CNTNAP2: variants seen among roughly 807,000 people sequenced by gnomAD.
CNTNAP2 encodes the protein contactin associated protein 2, also known as contactin-associated protein-like 2.
In CNTNAP2, 98 loss-of-function variants were observed where a neutral mutation model predicts 155.2. The ratio of observed to expected loss-of-function variants is 0.63; its 90% confidence interval spans 0.54 to 0.75. CNTNAP2 has a LOEUF of 0.75. CNTNAP2 is among the 30% of genes least tolerant of loss of function. The probability of loss-of-function intolerance (pLI) is 0.00; values close to 1 mark genes in which losing one functional copy is unlikely to be tolerated. For synonymous variants in CNTNAP2, 651 were observed against 631.2 expected, an observed-to-expected ratio of 1.03 and a Z score of -0.47; for missense variants, 1,727 against 1,688.1, an observed-to-expected ratio of 1.02 and a Z score of -0.40.
At chr7:146,277,644 T>C (rs951992522) in intron 1 of CNTNAP2, among the ~76,000 whole-genome samples, 1 of 152,226 alleles carries the variant, frequency 6.6e-6, no homozygotes, top group Non-Finnish European at 1.5e-5. Flanking sequence ...TTGGGGTTTA[T>C]ATTTGTTTAA....
At chr7:147,328,553 T>C (rs1421079947) in intron 9 of CNTNAP2, among the ~76,000 whole-genome samples, 1 of 152,210 alleles carries the variant, frequency 6.6e-6, no homozygotes, top group Admixed American at 6.5e-5. Context: ...AGAATAAGCC[T>C]TCCATCTCTG....
intron 10 of CNTNAP2, among the ~76,000 whole-genome samples, chr7:147,453,097 C>A (rs892991188): frequency 6.6e-6 from 1 of 152,282 alleles, no homozygotes; most frequent in Non-Finnish European, 1.5e-5. Flanking sequence ...GGCAGGCATA[C>A]TCCTTGCCCT....
At chr7:147,173,005 C>A (rs945296880) in intron 8 of CNTNAP2, among the ~76,000 whole-genome samples, 3 of 152,138 alleles carry the variant, frequency 2.0e-5, no homozygotes, top group African/African-American at 7.2e-5. Flanking sequence ...TCAGCATTAA[C>A]ACACAGGCTA....
chr7:147,972,932 C>T (rs922919821), intron 14 of CNTNAP2, among the ~76,000 whole-genome samples: 1 of 151,988 alleles, frequency 6.6e-6, no homozygotes, highest in South Asian at 2.1e-4. Flanking sequence ...TGGTTCACAC[C>T]GTGAAGCCAG....
chr7:146,700,342 T>C (rs1490505865), intron 1 of CNTNAP2, among the ~76,000 whole-genome samples: 3 of 152,170 alleles, frequency 2.0e-5, no homozygotes, highest in African/African-American at 7.2e-5. Context: ...TAAGAAAAAT[T>C]ACTAATTTTC....
At chr7:146,135,005 C>T (rs1022899362) in intron 1 of CNTNAP2, among the ~76,000 whole-genome samples, 5 of 151,884 alleles carry the variant, frequency 3.3e-5, no homozygotes, top group African/African-American at 1.2e-4. Context: ...CCTCCTTGTA[C>T]CTCTGGTAGA....
intron 8 of CNTNAP2, among the ~76,000 whole-genome samples, chr7:147,242,430 G>A (rs1287687889): frequency 2.0e-5 from 3 of 152,116 alleles, no homozygotes; most frequent in South Asian, 2.1e-4. Flanking sequence ...GTCCAGTTCT[G>A]TAACTTCTAT....
intron 1 of CNTNAP2, among the ~76,000 whole-genome samples, chr7:146,721,805 A>G (rs1801332284): frequency 8.3e-6 from 1 of 120,768 alleles, no homozygotes; most frequent in African/African-American, 3.8e-5. Flanking sequence ...TATAGACTAT[A>G]TATAGTCTAT....
At chr7:147,377,200 T>C (rs1260884327) in intron 9 of CNTNAP2, among the ~76,000 whole-genome samples, 1 of 151,240 alleles carries the variant, frequency 6.6e-6, no homozygotes, top group East Asian at 2.0e-4. Flanking sequence ...TGCTTTGAAA[T>C]GTATGTATGT....
At chr7:147,367,345 G>A (rs1796250558) in intron 9 of CNTNAP2, among the ~76,000 whole-genome samples, 2 of 152,158 alleles carry the variant, frequency 1.3e-5, no homozygotes, top group Admixed American at 1.3e-4. Flanking sequence ...TTTGGCAGCT[G>A]TTGTCTCCTT....
At chr7:146,896,452 T>G (rs1049754761) in intron 3 of CNTNAP2, among the ~76,000 whole-genome samples, 4 of 152,106 alleles carry the variant, frequency 2.6e-5, no homozygotes, top group Admixed American at 6.6e-5. Flanking sequence ...AATATCTACC[T>G]CTACATTTAA....
chr7:146,169,959 C>A (rs1798365112), intron 1 of CNTNAP2, among the ~76,000 whole-genome samples: 1 of 151,098 alleles, frequency 6.6e-6, no homozygotes, highest in East Asian at 1.9e-4. Flanking sequence ...ATATTGATTT[C>A]ATTTGCCTTG....
chr7:148,329,488 A>C (rs1797948461), intron 21 of CNTNAP2, among the ~76,000 whole-genome samples: 1 of 152,142 alleles, frequency 6.6e-6, no homozygotes, highest in East Asian at 1.9e-4. Flanking sequence ...CAGTGCAGGA[A>C]CAGAAGGAAC....
At chr7:146,712,252 A>T (rs186106536) in intron 1 of CNTNAP2, among the ~76,000 whole-genome samples, 4,768 of 50,616 alleles carry the variant, frequency 0.094, 807 homozygotes, top group African/African-American at 0.32. Context: ...TATGTATACA[A>T]ATATGTATAC....
At chr7:147,800,523 C>T (rs1485146961) in intron 13 of CNTNAP2, among the ~76,000 whole-genome samples, 6 of 151,858 alleles carry the variant, frequency 4.0e-5, no homozygotes, top group East Asian at 3.9e-4. Flanking sequence ...TTGAAGGACA[C>T]GCCTCATTTG....
At chr7:147,326,443 C>A (rs1356674374) in intron 9 of CNTNAP2, among the ~76,000 whole-genome samples, 1 of 152,192 alleles carries the variant, frequency 6.6e-6, no homozygotes, top group Non-Finnish European at 1.5e-5. Context: ...ATTCATGCAT[C>A]AATGAACATT....
At position 146,748,143 on chromosome 7, in the gene CNTNAP2, C is replaced by CTTTTTTTT. The variant is rs61495352; in HGVS notation, c.98-26115_98-26108dup. ...GTGGTGTTTTCTTTTCTTTTCTTTT[C>CTTTTTTTT]TTTTTTTTTTTTTTTTTTTTGAGAA... On this transcript the variant is annotated intron_variant, in intron 1 of 23. Transcript: ENST00000361727. Among the ~76,000 whole-genome samples the CTTTTTTTT allele has an allele frequency of 5.8e-4, 57 of 97,988 alleles. 1 individual carries two copies. Among genetic ancestry groups the CTTTTTTTT allele is most frequent in the African/African-American group, 1.5e-3 (37 of 24,186 alleles). 64.3% of individuals were successfully genotyped at this position (97,988 alleles called of 152,430 possible).
chr7:148,180,804 T>G (rs1331667029), intron 18 of CNTNAP2, among the ~76,000 whole-genome samples: 1 of 152,036 alleles, frequency 6.6e-6, no homozygotes, highest in African/African-American at 2.4e-5. Context: ...AAGAAGGAGG[T>G]GCTTTAGCCC....
At chr7:146,368,464 A>C (rs1795185809) in intron 1 of CNTNAP2, among the ~76,000 whole-genome samples, 1 of 152,128 alleles carries the variant, frequency 6.6e-6, no homozygotes, top group Admixed American at 6.5e-5. Flanking sequence ...CACAAGGTCT[A>C]GTGTTTAGAG....
Sources: allele counts gnomAD v4.1 joint callset (sites outside exome capture counted in the v4.1 genomes callset), GRCh38; gene constraint gnomAD v4.1.1; transcripts MANE v1.5; gene names NCBI Gene and HGNC (gene_info 2026-07-23, HGNC 2026-07-21).